RANBP2: variants seen among roughly 807,000 people sequenced by gnomAD.
RANBP2 encodes the protein E3 SUMO-protein ligase RanBP2.
In RANBP2, 57 loss-of-function variants were observed where a neutral mutation model predicts 303.6. That is an observed-to-expected ratio of 0.19 (90% confidence interval 0.15 to 0.23). The LOEUF is 0.23. Among genes scored for constraint, RANBP2 ranks in the 10% least tolerant of loss-of-function variants. The pLI is 1.00. For synonymous variants in RANBP2, 1,167 were observed against 1,301.5 expected, an observed-to-expected ratio of 0.90 and a Z score of 2.23; for missense variants, 3,138 against 3,780.8, an observed-to-expected ratio of 0.83 and a Z score of 4.46.
the RANBP2 span, among the ~76,000 whole-genome samples, chr2:109,078,153 A>G: frequency 0.057 from 3,680 of 64,648 alleles, 443 homozygotes; most frequent in East Asian, 0.09. Flanking sequence ...TATATATAGC[A>G]TGTATATATA....
chr2:109,068,146 C>T, the RANBP2 span, among the ~76,000 whole-genome samples: 2 of 152,364 alleles, frequency 1.3e-5, no homozygotes, highest in South Asian at 4.1e-4. Flanking sequence ...CATTTTTATC[C>T]ATAGTGTGTA....
the RANBP2 span, among the ~76,000 whole-genome samples, chr2:109,007,765 G>A: frequency 4.6e-5 from 7 of 152,212 alleles, no homozygotes; most frequent in Non-Finnish European, 1.0e-4. Context: ...GGTAGAAATG[G>A]ACATCTTTTC....
At chr2:108,740,460 A>G (rs1558887099) in intron 6 of RANBP2, 29 bp from the exon 7 acceptor site, 1 of 1,597,426 alleles carries the variant, frequency 6.3e-7, no homozygotes, top group East Asian at 2.2e-5. Context: ...GTAAGTGTGT[A>G]TTATCTGTTT....
the RANBP2 span, among the ~76,000 whole-genome samples, chr2:108,815,474 T>TG: frequency 0.011 from 1,455 of 138,264 alleles, 32 homozygotes; most frequent in African/African-American, 0.038. Context: ...TTTTTTTTTT[T>TG]TTTTTTTTTT....
chr2:109,503,574 T>A, the RANBP2 span: 1 of 152,202 alleles, frequency 6.6e-6, no homozygotes, highest in African/African-American at 2.4e-5. Context: ...CTATTTACCA[T>A]TATTGCCAAA....
the RANBP2 span, among the ~76,000 whole-genome samples, chr2:108,941,189 C>G: frequency 6.6e-6 from 1 of 152,194 alleles, no homozygotes; most frequent in African/African-American, 2.4e-5. Context: ...ATTGCCGAAT[C>G]GTATTCCACT....
At chr2:109,381,379 A>G in the RANBP2 span, among the ~76,000 whole-genome samples, 1 of 152,120 alleles carries the variant, frequency 6.6e-6, no homozygotes, top group African/African-American at 2.4e-5. Context: ...TGGCGGGGTT[A>G]CTTTTACACC....
At chr2:109,280,896 A>G in the RANBP2 span, among the ~76,000 whole-genome samples, 1 of 152,200 alleles carries the variant, frequency 6.6e-6, no homozygotes, top group Admixed American at 6.5e-5. Context: ...AAGTGGGTGC[A>G]TTATCCTCAC....
intron 4 of RANBP2, 200 bp downstream of exon 4, chr2:108,731,674 C>T: frequency 9.6e-7 from 1 of 1,038,424 alleles, no homozygotes; most frequent in Non-Finnish European, 1.3e-6. Context: ...AGTGACATCT[C>T]ATTTACCTTT....
intron 1 of RANBP2, among the ~76,000 whole-genome samples, chr2:108,720,595 T>G (rs1327281758): frequency 6.6e-6 from 1 of 152,148 alleles, no homozygotes; most frequent in Non-Finnish European, 1.5e-5. Flanking sequence ...GCACTGTCGT[T>G]TATAAGCTGG....
intron 8 of RANBP2, 148 bp from the exon 9 acceptor site, chr2:108,748,772 G>A (rs1675597159): frequency 4.1e-6 from 6 of 1,460,786 alleles, no homozygotes; most frequent in Admixed American, 1.9e-5. Context: ...ATAAGCACCG[G>A]TTTTGTTGTC....
At chr2:109,290,954 C>T in the RANBP2 span, among the ~76,000 whole-genome samples, 2 of 152,354 alleles carry the variant, frequency 1.3e-5, 1 homozygote, top group Admixed American at 1.3e-4. Flanking sequence ...TCCTGGGGTG[C>T]CCGGCAATAT....
the RANBP2 span, among the ~76,000 whole-genome samples, chr2:109,381,204 C>T: frequency 6.6e-6 from 1 of 152,216 alleles, no homozygotes; most frequent in African/African-American, 2.4e-5. Context: ...GGCAGCTGAA[C>T]ACCCAGGTGG....
At chr2:108,927,298 C>T in the RANBP2 span, among the ~76,000 whole-genome samples, 75 of 152,192 alleles carry the variant, frequency 4.9e-4, no homozygotes, top group East Asian at 0.012. Context: ...TGGAGTAGGG[C>T]GGGAGGCATC....
the RANBP2 span, chr2:109,613,689 G>A: frequency 6.9e-6 from 5 of 726,900 alleles, no homozygotes; most frequent in Non-Finnish European, 9.3e-6. Context: ...GCCGGAGGGG[G>A]CGCGGGTCAC....
At chr2:108,870,878 C>A in the RANBP2 span, among the ~76,000 whole-genome samples, 1 of 152,158 alleles carries the variant, frequency 6.6e-6, no homozygotes, top group South Asian at 2.1e-4. Flanking sequence ...ATGGAAAAAA[C>A]TCTGGAGATG....
chr2:108,752,051 T>C (rs1020965970), intron 12 of RANBP2, 57 bp downstream of exon 12: 21 of 1,603,846 alleles, frequency 1.3e-5, no homozygotes, highest in Non-Finnish European at 1.8e-5. Context: ...TTTAAAATCA[T>C]GAACTTTTTA....
At chr2:108,737,382 A>G (rs1232195159) in intron 6 of RANBP2, among the ~76,000 whole-genome samples, 1 of 130,868 alleles carries the variant, frequency 7.6e-6, no homozygotes, top group East Asian at 2.1e-4. Flanking sequence ...CTGTGTCACC[A>G]GGCTGGAGTG....
At chr2:109,614,886 G>C in the RANBP2 span, 1 of 1,425,506 alleles carries the variant, frequency 7.0e-7, no homozygotes, top group Non-Finnish European at 9.1e-7. Context: ...ACAGGGCCGC[G>C]AGCTGGGCGA....
Sources: gnomAD v4.1 joint callset for allele counts (sites outside exome capture counted in the v4.1 genomes callset) on GRCh38, gnomAD v4.1.1 for gene constraint, MANE v1.5 for transcripts, NCBI Gene and HGNC (gene_info 2026-07-23, HGNC 2026-07-21) for gene names.